The following MTMR9 variants were observed in gnomAD, a reference collection of about 807,000 sequenced individuals.
MTMR9 encodes the protein myotubularin-related protein 9.
MTMR9 carries 39 observed loss-of-function variants against 69.5 expected under a neutral mutation model. That is an observed-to-expected ratio of 0.56 (90% CI 0.43 to 0.73). MTMR9 has a LOEUF of 0.73. MTMR9 is among the 30% of genes least tolerant of loss of function. The pLI, the probability that MTMR9 is intolerant of heterozygous loss-of-function variation, is 0.00. For synonymous variants in MTMR9, 354 were observed against 240.8 expected, an observed-to-expected ratio of 1.47 and a Z score of -4.35; for missense variants, 900 against 671.2, an observed-to-expected ratio of 1.34 and a Z score of -3.77.
Position 11,324,569 on chromosome 8 carries a change from G to C in MTMR9, c.*1781G>C, listed in dbSNP as rs1476088906. On this transcript the variant is annotated 3_prime_UTR_variant, in exon 10 of 10. Transcript: ENST00000221086. ...TTTTTGTGCTCCCTCAGAATTGCTTGCTATGTCTGTTAATACAGCTGAGCT... is the reference window on the plus strand; with the variant it reads ...TTTTTGTGCTCCCTCAGAATTGCTTCCTATGTCTGTTAATACAGCTGAGCT... The C allele has an allele frequency of 6.7e-6, 1 of 149,416 alleles. No individual in the cohort carries two copies. Among genetic ancestry groups the C allele is most frequent in the African/African-American group, 2.5e-5 (1 of 40,680 alleles). The allele number at this position is 149,416 out of a possible 1,614,324, so 9.3% of individuals were successfully genotyped here.
At chr8:11,290,067 C>G (rs1799326127) in intron 1 of MTMR9, among the ~76,000 whole-genome samples, 1 of 152,180 alleles carries the variant, frequency 6.6e-6, no homozygotes, top group Non-Finnish European at 1.5e-5. Flanking sequence ...TGCACATTGC[C>G]TTCCCATGAT....
intron 5 of MTMR9, 22 bp downstream of exon 5, chr8:11,306,429 A>G (rs1261302880): frequency 1.9e-6 from 3 of 1,603,884 alleles, no homozygotes; most frequent in Non-Finnish European, 1.7e-6. Context: ...CAAAGATAGT[A>G]CAGACTCTTA....
At chr8:11,328,542 CTCTT>C (rs1563294239), downstream of MTMR9, among the ~76,000 whole-genome samples, 1 of 152,070 alleles carries the variant, frequency 6.6e-6, no homozygotes, top group Non-Finnish European at 1.5e-5. Flanking sequence ...AAAAGGAAAG[CTCTT>C]TCTTAGAGTA....
At chr8:11,339,203 T>A in the MTMR9 span, among the ~76,000 whole-genome samples, 1 of 152,214 alleles carries the variant, frequency 6.6e-6, no homozygotes, top group Non-Finnish European at 1.5e-5. Flanking sequence ...ATTATAATCT[T>A]AATTAAGTGG....
chr8:11,292,236 G>A (rs889944739), intron 1 of MTMR9, among the ~76,000 whole-genome samples: 2 of 152,130 alleles, frequency 1.3e-5, no homozygotes, highest in African/African-American at 4.8e-5. Flanking sequence ...TTCACCTGGT[G>A]ATGGAAATGT....
chr8:11,336,521 A>G, the MTMR9 span, among the ~76,000 whole-genome samples: 1 of 152,222 alleles, frequency 6.6e-6, no homozygotes, highest in Non-Finnish European at 1.5e-5. Context: ...CTTCCTTGTC[A>G]TTAATCTTCC....
chr8:11,322,534 T>C, intron 9 of MTMR9, 91 bp from the exon 10 acceptor site: 1 of 1,074,402 alleles, frequency 9.3e-7, no homozygotes, highest in Non-Finnish European at 1.4e-6. Context: ...AAAGAATGTA[T>C]AATACATAAA....
intron 3 of MTMR9, among the ~76,000 whole-genome samples, chr8:11,303,237 A>G (rs1474695485): frequency 1.3e-5 from 2 of 150,096 alleles, no homozygotes; most frequent in Non-Finnish European, 3.0e-5. Context: ...TAAAGTGGAC[A>G]AGTGCGACGG....
chr8:11,293,108 T>C (rs1429611575), intron 1 of MTMR9, among the ~76,000 whole-genome samples: 1 of 152,208 alleles, frequency 6.6e-6, no homozygotes, highest in Non-Finnish European at 1.5e-5. Flanking sequence ...ATGTTATTAA[T>C]ATTTCCCCTG....
At chr8:11,337,592 A>C in the MTMR9 span, among the ~76,000 whole-genome samples, 2 of 152,240 alleles carry the variant, frequency 1.3e-5, no homozygotes, top group African/African-American at 4.8e-5. Context: ...ATGTCAAAAC[A>C]ATTGAGATTT....
At chr8:11,336,371 A>G in the MTMR9 span, among the ~76,000 whole-genome samples, 1 of 152,228 alleles carries the variant, frequency 6.6e-6, no homozygotes, top group African/African-American at 2.4e-5. Flanking sequence ...TCTATGACCC[A>G]TAGGCTGTGT....
rs1236343770 is a variant in MTMR9 at position 11,325,446 on chromosome 8, G to C, written c.*2658G>C. 1 of 152,214 alleles carries C rather than the reference G, an allele frequency of 6.6e-6. No homozygotes were observed. The highest frequency in any genetic ancestry group is 2.4e-5 in the African/African-American group (1 of 41,460). 9.4% of individuals were successfully genotyped at this position (152,214 alleles called of 1,614,324 possible). On this transcript the variant is annotated 3_prime_UTR_variant, in exon 10 of 10. Transcript: ENST00000221086. Reference sequence around the variant, plus strand: ...AAGAGAATGGTGGCAGAATGAGTGAGCAAGCAGATTGCCCCAGAGGGGCCG... The same window carrying C: ...AAGAGAATGGTGGCAGAATGAGTGACCAAGCAGATTGCCCCAGAGGGGCCG...
rs1187802502 is a variant in MTMR9, at chr8:11,288,367, A to G, written c.182+3297A>G. On this transcript the variant is annotated intron_variant, in intron 1 of 9. Transcript: ENST00000221086. ...ATATTTATATATATATAATATATATATAATGATGTCAGGTAATAAGGGCCA... is the reference window on the plus strand; with the variant it reads ...ATATTTATATATATATAATATATATGTAATGATGTCAGGTAATAAGGGCCA... 5.6e-5 allele frequency among the ~76,000 whole-genome samples: 8 copies of G among 143,344 alleles called. No homozygotes were observed. In the East Asian group the frequency reaches 9.8e-4, roughly 18 times the overall value. The allele number at this position is 143,344 out of a possible 152,430, so 94.0% of individuals were successfully genotyped here.
In MTMR9 at chr8:11,314,956, A is replaced by C. The variant is rs1313399159; in HGVS notation, c.1005A>C (p.Glu335Asp). The change falls in exon 7 of 10, where the codon GAA becomes GAC. Residue 335 changes from glutamate to aspartate, a missense_variant. By Grantham distance (45) the Glu-to-Asp change is conservative. Transcript: ENST00000221086. ...CATCAATATTGATTCACGGAACAGA[A>C]GGAACTGATTCCACACTCCAGGTGA... ...EGASILIHGT[E>D]GTDSTLQVTS... 1 of 1,613,876 alleles carries C rather than the reference A, an allele frequency of 6.2e-7. No homozygotes were observed. The highest frequency in any genetic ancestry group is 1.3e-5 in the African/African-American group (1 of 74,910).
intron 2 of MTMR9, among the ~76,000 whole-genome samples, chr8:11,296,807 G>C (rs1000520417): frequency 6.6e-6 from 1 of 152,154 alleles, no homozygotes; most frequent in Non-Finnish European, 1.5e-5. Context: ...TGTCACCAGT[G>C]ATTATAGTTT....
chr8:11,321,349 G>A (rs1800679769), intron 9 of MTMR9: 1 of 454,764 alleles, frequency 2.2e-6, no homozygotes, highest in South Asian at 1.6e-5. Flanking sequence ...AGAGGTTACA[G>A]TATTCTTCCT....
the MTMR9 span, among the ~76,000 whole-genome samples, chr8:11,338,867 G>C: frequency 6.6e-6 from 1 of 152,192 alleles, no homozygotes; most frequent in Non-Finnish European, 1.5e-5. Context: ...CTTCTCCAAA[G>C]AGACACGTGG....
Position 11,300,099 on chromosome 8 carries a change from G to C in MTMR9, c.368G>C (p.Gly123Ala). The C allele has an allele frequency of 6.2e-7, 1 of 1,613,574 alleles. No individual in the cohort carries two copies. Residue 123 changes from glycine (G) to alanine (A), a missense_variant, in exon 3 of 10, where the codon GGC (glycine) becomes GCC (alanine). Coordinates refer to ENST00000221086, the MANE Select transcript of MTMR9 (RefSeq NM_015458.4). ...CCTATGTTTGAAGTGATAGAAGATGGCTGGCATTCCTTCCTTCCTGAGCAA... is the reference window on the plus strand; with the variant it reads ...CCTATGTTTGAAGTGATAGAAGATGCCTGGCATTCCTTCCTTCCTGAGCAA... ...YRPMFEVIED[G>A]WHSFLPEQEF...
At chr8:11,304,739 C>G (rs1226335021) in intron 3 of MTMR9, 102 bp from the exon 4 acceptor site, 1 of 1,166,294 alleles carries the variant, frequency 8.6e-7, no homozygotes, top group Admixed American at 2.2e-5. Flanking sequence ...GAAATGGCTT[C>G]TTCATCAGTG....
Sources: gnomAD v4.1 joint callset for allele counts (sites outside exome capture counted in the v4.1 genomes callset) on GRCh38, gnomAD v4.1.1 for gene constraint, MANE v1.5 for transcripts, NCBI Gene and HGNC (gene_info 2026-07-23, HGNC 2026-07-21) for gene names.